VPS13B: variants seen among roughly 807,000 people sequenced by gnomAD.
VPS13B encodes vacuolar protein sorting 13 homolog B.
A neutral mutation model predicts 426.4 loss-of-function variants in VPS13B; 285 were observed. The observed-to-expected ratio is 0.67, with a 90% CI of 0.61 to 0.74. VPS13B has a LOEUF of 0.74. Ranked by LOEUF, VPS13B falls within the 30% of genes least tolerant of loss-of-function variation. The pLI is 0.00. For missense variants in VPS13B, 4,537 were observed against 4,782.6 expected, an observed-to-expected ratio of 0.95 and a Z score of 1.51; for synonymous variants, 1,676 against 1,676.4, an observed-to-expected ratio of 1.00 and a Z score of 0.01.
At chr8:99,254,190 G>A (rs1817639365) in intron 17 of VPS13B, among the ~76,000 whole-genome samples, 3 of 152,002 alleles carry the variant, frequency 2.0e-5, no homozygotes, top group Admixed American at 2.0e-4. Context: ...TTTCTGTTTG[G>A]AGATCTTTAC....
intron 39 of VPS13B, among the ~76,000 whole-genome samples, chr8:99,729,669 A>G (rs560532406): frequency 1.9e-4 from 29 of 152,318 alleles, no homozygotes; most frequent in African/African-American, 6.7e-4. Context: ...TGAGTTTACA[A>G]TGTAATGTTT....
intron 21 of VPS13B, chr8:99,424,142 G>C (rs1264471985): frequency 1.3e-5 from 2 of 152,120 alleles, no homozygotes; most frequent in Non-Finnish European, 2.9e-5. Flanking sequence ...TTGTTGAATT[G>C]ATCCCTTTAC....
At chr8:99,755,536 G>A (rs577222488) in intron 39 of VPS13B, among the ~76,000 whole-genome samples, 3 of 152,282 alleles carry the variant, frequency 2.0e-5, no homozygotes, top group South Asian at 2.1e-4. Flanking sequence ...TTGGGAGGCC[G>A]AGGTGGGCAG....
intron 19 of VPS13B, chr8:99,347,236 T>C (rs1268501685): frequency 6.6e-6 from 1 of 152,324 alleles, no homozygotes; most frequent in East Asian, 1.9e-4. Context: ...CAGCTGTTGA[T>C]CAGACCCACT....
chr8:99,107,443 T>TA (rs1847107755), intron 5 of VPS13B, among the ~76,000 whole-genome samples: 1 of 151,892 alleles, frequency 6.6e-6, no homozygotes, highest in Admixed American at 6.6e-5. Context: ...CATAATGGAT[T>TA]AAAAAATAAA....
At chr8:99,455,910 T>C (rs1399698072) in intron 23 of VPS13B, among the ~76,000 whole-genome samples, 8 of 152,226 alleles carry the variant, frequency 5.3e-5, no homozygotes, top group Non-Finnish European at 1.0e-4. Flanking sequence ...ATAATGCTGT[T>C]ATGTACATTT....
At chr8:99,274,067 C>A (rs1244248375) in intron 17 of VPS13B, 131 bp from the exon 18 acceptor site, 2 of 1,298,278 alleles carry the variant, frequency 1.5e-6, no homozygotes, top group Non-Finnish European at 1.1e-6. Flanking sequence ...AACTATGAAA[C>A]CTAACACAAA....
At position 99,442,642 on chromosome 8, in the gene VPS13B, G is replaced by A. The variant is rs2133441083; in HGVS notation, c.3445+7G>A. The A allele has an allele frequency of 6.2e-7, 1 of 1,612,552 alleles. No individual in the cohort carries two copies. The highest frequency in any genetic ancestry group is 8.5e-7 in the Non-Finnish European group (1 of 1,178,952). On this transcript the variant is annotated splice_region_variant and intron_variant, in intron 23 of 61. Coordinates refer to ENST00000357162, the MANE Select transcript of VPS13B (RefSeq NM_152564.5). Reference sequence around the variant, plus strand: ...CGACCCATCCTTGAAGAAGGTATATGTTAACATTTTTTTCCTATGGTTAAT... The same window carrying A: ...CGACCCATCCTTGAAGAAGGTATATATTAACATTTTTTTCCTATGGTTAAT...
chr8:99,197,159 C>T (rs1813987454), intron 17 of VPS13B, among the ~76,000 whole-genome samples: 1 of 152,092 alleles, frequency 6.6e-6, no homozygotes, highest in Admixed American at 6.6e-5. Context: ...ATCCTTGCAT[C>T]CCAAGGATAA....
At chr8:99,307,333 T>G (rs1820695678) in intron 19 of VPS13B, among the ~76,000 whole-genome samples, 1 of 152,082 alleles carries the variant, frequency 6.6e-6, no homozygotes, top group Admixed American at 6.6e-5. Context: ...TTTGAAAAAT[T>G]GTTAAAAATT....
At chr8:99,861,745 G>C in intron 57 of VPS13B, 31 bp from the exon 58 acceptor site, 2 of 1,576,654 alleles carry the variant, frequency 1.3e-6, no homozygotes, top group Non-Finnish European at 1.7e-6. Context: ...TATGCGACAA[G>C]GAGGCTAACC....
chr8:99,379,633 A>G (rs1242362097), intron 19 of VPS13B, among the ~76,000 whole-genome samples: 3 of 152,112 alleles, frequency 2.0e-5, no homozygotes, highest in Non-Finnish European at 4.4e-5. Flanking sequence ...GATTGATTAC[A>G]TTGTTTATTC....
At chr8:99,582,931 A>G (rs563039398) in intron 33 of VPS13B, among the ~76,000 whole-genome samples, 10 of 152,338 alleles carry the variant, frequency 6.6e-5, no homozygotes, top group African/African-American at 2.4e-4. Flanking sequence ...CTGGGATTAC[A>G]GGCGTGAGCC....
chr8:99,704,326 A>G (rs763045956), intron 36 of VPS13B, among the ~76,000 whole-genome samples: 3 of 152,196 alleles, frequency 2.0e-5, no homozygotes, highest in Non-Finnish European at 4.4e-5. Context: ...CATGTATTGA[A>G]AAGTGAAACC....
At chr8:99,352,533 C>T (rs1446265353) in intron 19 of VPS13B, among the ~76,000 whole-genome samples, 1 of 152,114 alleles carries the variant, frequency 6.6e-6, no homozygotes, top group Admixed American at 6.5e-5. Flanking sequence ...CTTTGACTAA[C>T]AAGTAAAAGA....
intron 17 of VPS13B, among the ~76,000 whole-genome samples, chr8:99,263,922 G>C (rs913175876): frequency 6.6e-6 from 1 of 151,888 alleles, no homozygotes; most frequent in Admixed American, 6.6e-5. Flanking sequence ...CTAAATCTTT[G>C]AATATAATTA....
chr8:99,773,476 A>T (rs1335056903), intron 40 of VPS13B, among the ~76,000 whole-genome samples: 1 of 152,188 alleles, frequency 6.6e-6, no homozygotes, highest in Non-Finnish European at 1.5e-5. Flanking sequence ...ATCAGTCTAC[A>T]TCTAGATGTA....
intron 34 of VPS13B, among the ~76,000 whole-genome samples, chr8:99,659,594 A>T (rs1395082993): frequency 6.6e-6 from 1 of 152,212 alleles, no homozygotes; most frequent in Non-Finnish European, 1.5e-5. Flanking sequence ...AAAATGTAGA[A>T]AGTTGATTAA....
intron 22 of VPS13B, among the ~76,000 whole-genome samples, chr8:99,440,779 A>G (rs1246014775): frequency 2.0e-5 from 3 of 152,072 alleles, no homozygotes; most frequent in East Asian, 1.9e-4. Flanking sequence ...TCCTAAGGAT[A>G]TGTATGCATG....
Sources: gnomAD v4.1 joint callset for allele counts (sites outside exome capture counted in the v4.1 genomes callset) on GRCh38, gnomAD v4.1.1 for gene constraint, MANE v1.5 for transcripts, NCBI Gene and HGNC (gene_info 2026-07-23, HGNC 2026-07-21) for gene names.